The following PLCXD3 variants were observed in gnomAD, a reference collection of about 807,000 sequenced individuals.
The protein encoded by PLCXD3 is PI-PLC X domain-containing protein 3.
PLCXD3 carries 19 observed loss-of-function variants against 25.5 expected under a neutral mutation model. That is an observed-to-expected ratio of 0.75 (90% CI 0.52 to 1.09). The LOEUF is 1.09. Ranked by LOEUF, PLCXD3 falls within the 50% of genes least tolerant of loss-of-function variation. PLCXD3 has a pLI of 0.00. For missense variants in PLCXD3, 411 were observed against 388.1 expected, an observed-to-expected ratio of 1.06 and a Z score of -0.50; for synonymous variants, 174 against 137.6, an observed-to-expected ratio of 1.26 and a Z score of -1.85.
intron 1 of PLCXD3, among the ~76,000 whole-genome samples, chr5:41,474,837 G>A (rs527279984): frequency 6.6e-6 from 1 of 152,178 alleles, no homozygotes; most frequent in South Asian, 2.1e-4. Flanking sequence ...TATCCTGTTG[G>A]CAAAGGTCCC....
intron 1 of PLCXD3, among the ~76,000 whole-genome samples, chr5:41,447,270 G>A (rs934351207): frequency 2.0e-5 from 3 of 152,120 alleles, no homozygotes; most frequent in Non-Finnish European, 4.4e-5. Flanking sequence ...ATAGGAAAGA[G>A]GTGGTTGTTA....
intron 1 of PLCXD3, among the ~76,000 whole-genome samples, chr5:41,432,533 A>T (rs1014437093): frequency 6.6e-6 from 1 of 152,178 alleles, no homozygotes; most frequent in South Asian, 2.1e-4. Context: ...ACTGCATGTT[A>T]TTCTTTTAAT....
chr5:41,443,464 T>C (rs1053449357), intron 1 of PLCXD3, among the ~76,000 whole-genome samples: 4 of 152,192 alleles, frequency 2.6e-5, no homozygotes, highest in Non-Finnish European at 4.4e-5. Flanking sequence ...AAGCAACACA[T>C]GACTGTATAT....
intron 1 of PLCXD3, among the ~76,000 whole-genome samples, chr5:41,498,057 G>A (rs773750841): frequency 9.9e-5 from 15 of 151,516 alleles, no homozygotes; most frequent in Non-Finnish European, 2.1e-4. Context: ...AAGCAGTACC[G>A]AGAGATTTAC....
intron 2 of PLCXD3, among the ~76,000 whole-genome samples, chr5:41,346,352 G>C (rs1338280069): frequency 1.3e-5 from 2 of 152,148 alleles, no homozygotes; most frequent in Non-Finnish European, 2.9e-5. Context: ...ATTAACTGAA[G>C]TTTAGAGTTT....
At position 41,330,318 on chromosome 5, in the gene PLCXD3, C is replaced by T. The variant is rs562899495; in HGVS notation, c.813-16548G>A. On this transcript the variant is annotated intron_variant, in intron 2 of 2. Transcript: ENST00000377801. ...TACCATCAGAGAACACTACAAACACCTCTACGCAAATAAACTAGAAAATCA... is the reference window on the plus strand; with the variant it reads ...TACCATCAGAGAACACTACAAACACTTCTACGCAAATAAACTAGAAAATCA... Among the ~76,000 whole-genome samples the T allele has an allele frequency of 4.6e-5, 7 of 152,206 alleles. 1 individual carries two copies. The South Asian group carries it at 1.5e-3, about 32-fold the overall frequency.
chr5:41,372,230 G>A (rs1745117082), intron 2 of PLCXD3, among the ~76,000 whole-genome samples: 1 of 151,748 alleles, frequency 6.6e-6, no homozygotes, highest in African/African-American at 2.4e-5. Context: ...TAGAGTGGGA[G>A]AGTCTCCATC....
chr5:41,336,758 T>C (rs527421285), intron 2 of PLCXD3, among the ~76,000 whole-genome samples: 50 of 152,270 alleles, frequency 3.3e-4, no homozygotes, highest in African/African-American at 1.2e-3. Flanking sequence ...AGGAGAAATC[T>C]GAAGATCCCC....
rs565054924 is a variant in PLCXD3 at position 41,497,740 on chromosome 5, C to A, written c.103+12684G>T. 9.2e-5 allele frequency among the ~76,000 whole-genome samples: 14 copies of A among 151,896 alleles called. 2 individuals are homozygous for A. Among genetic ancestry groups the A allele is most frequent in the African/African-American group, 3.1e-4 (13 of 41,530 alleles). ...CAGCAGAATACACATTCTTCTCAAG[C>A]ACACATGGAATGTTCTCCAAGGTTG... On this transcript the variant is annotated intron_variant, in intron 1 of 2. Transcript: ENST00000377801.
intron 2 of PLCXD3, among the ~76,000 whole-genome samples, chr5:41,334,326 A>G (rs1743919794): frequency 6.6e-6 from 1 of 152,100 alleles, no homozygotes; most frequent in South Asian, 2.1e-4. Flanking sequence ...AGGTGACAAT[A>G]TCTTTGATAC....
At chr5:41,504,834 G>C (rs1164454369) in intron 1 of PLCXD3, among the ~76,000 whole-genome samples, 1 of 152,176 alleles carries the variant, frequency 6.6e-6, no homozygotes, top group Non-Finnish European at 1.5e-5. Context: ...TCATACTTAA[G>C]AATCCATCCA....
At chr5:41,390,063 G>A (rs986212522) in intron 1 of PLCXD3, among the ~76,000 whole-genome samples, 45 of 152,182 alleles carry the variant, frequency 3.0e-4, no homozygotes, top group African/African-American at 9.4e-4. Flanking sequence ...CTCTAAGTTA[G>A]TTTTGACTTC....
intron 2 of PLCXD3, among the ~76,000 whole-genome samples, chr5:41,363,697 C>T (rs1744853011): frequency 6.6e-6 from 1 of 152,194 alleles, no homozygotes; most frequent in Non-Finnish European, 1.5e-5. Context: ...TGCTCACTTA[C>T]CTTATCTGCT....
intron 1 of PLCXD3, among the ~76,000 whole-genome samples, chr5:41,507,604 T>C (rs750448390): frequency 1.7e-4 from 25 of 151,192 alleles, no homozygotes; most frequent in Non-Finnish European, 2.8e-4. Context: ...TTGCACATTG[T>C]TTTTTGCTGT....
chr5:41,447,180 A>G (rs1390759968), intron 1 of PLCXD3, among the ~76,000 whole-genome samples: 1 of 152,232 alleles, frequency 6.6e-6, no homozygotes, highest in Admixed American at 6.5e-5. Flanking sequence ...ATGTCTGATT[A>G]TGATCAATTT....
At chr5:41,373,397 T>C (rs1449587046) in intron 2 of PLCXD3, among the ~76,000 whole-genome samples, 1 of 152,192 alleles carries the variant, frequency 6.6e-6, no homozygotes, top group Non-Finnish European at 1.5e-5. Context: ...TTATGAAATG[T>C]GCATGTTTAC....
intron 1 of PLCXD3, among the ~76,000 whole-genome samples, chr5:41,499,882 G>C (rs929179348): frequency 2.6e-5 from 4 of 151,652 alleles, no homozygotes; most frequent in Non-Finnish European, 5.9e-5. Context: ...ATACACAATG[G>C]GGAAAGGATA....
intron 2 of PLCXD3, among the ~76,000 whole-genome samples, chr5:41,317,647 A>C (rs1436470232): frequency 6.6e-6 from 1 of 152,102 alleles, no homozygotes; most frequent in African/African-American, 2.4e-5. Context: ...GAATTCTATC[A>C]GATAAATTCA....
intron 1 of PLCXD3, among the ~76,000 whole-genome samples, chr5:41,404,310 G>A (rs1161962540): frequency 6.6e-6 from 1 of 152,040 alleles, no homozygotes; most frequent in Non-Finnish European, 1.5e-5. Context: ...GTGGAACCAT[G>A]TTAATGAAAG....
Sources: allele counts gnomAD v4.1 joint callset (sites outside exome capture counted in the v4.1 genomes callset), GRCh38; gene constraint gnomAD v4.1.1; transcripts MANE v1.5; gene names NCBI Gene and HGNC (gene_info 2026-07-23, HGNC 2026-07-21).